Variants in ARHGAP10 observed in about 807,000 individuals in gnomAD.
The protein encoded by ARHGAP10 is Rho GTPase activating protein 10.
A neutral mutation model predicts 108.6 loss-of-function variants in ARHGAP10; 87 were observed. The ratio of observed to expected loss-of-function variants is 0.80; its 90% confidence interval spans 0.67 to 0.96. ARHGAP10 has a LOEUF of 0.96. ARHGAP10 is among the 40% of genes least tolerant of loss of function. ARHGAP10 has a pLI of 0.00. For synonymous variants in ARHGAP10, 347 were observed against 341.1 expected (o/e 1.02, Z -0.19); for missense variants, 939 against 954.5 (o/e 0.98, Z 0.21).
chr4:147,770,593 C>T (rs1730037192), intron 1 of ARHGAP10, among the ~76,000 whole-genome samples: 1 of 152,118 alleles, frequency 6.6e-6, no homozygotes, highest in Non-Finnish European at 1.5e-5. Flanking sequence ...AACTTATAGT[C>T]ATGTGGTGTT....
intron 1 of ARHGAP10, among the ~76,000 whole-genome samples, chr4:147,784,691 T>TAAA (rs1560756567): frequency 1.3e-4 from 12 of 92,930 alleles, no homozygotes; most frequent in African/African-American, 5.2e-4. Context: ...ATATAAAATA[T>TAAA]ATATTATAAA....
At chr4:147,814,781 A>G (rs971941725) in intron 1 of ARHGAP10, among the ~76,000 whole-genome samples, 1 of 152,168 alleles carries the variant, frequency 6.6e-6, no homozygotes, top group Non-Finnish European at 1.5e-5. Flanking sequence ...TTTTTATAAG[A>G]ACACAAGTCA....
At chr4:147,927,897 GC>G (rs1431983315) in intron 13 of ARHGAP10, among the ~76,000 whole-genome samples, 1 of 152,194 alleles carries the variant, frequency 6.6e-6, no homozygotes, top group East Asian at 1.9e-4. Flanking sequence ...AGAGTGTGGG[GC>G]CCCAAAGGTT....
At chr4:148,023,489 C>A in intron 19 of ARHGAP10, 76 bp downstream of exon 19, 2 of 1,405,816 alleles carry the variant, frequency 1.4e-6, no homozygotes, top group Non-Finnish European at 1.9e-6. Context: ...GGGCAGGCCA[C>A]AGTTTTCTGT....
At chr4:147,846,964 A>G (rs1733661335) in intron 3 of ARHGAP10, among the ~76,000 whole-genome samples, 187 bp from the exon 4 acceptor site, 1 of 152,108 alleles carries the variant, frequency 6.6e-6, no homozygotes, top group Non-Finnish European at 1.5e-5. Flanking sequence ...CCCTGAAAAT[A>G]TTTATGGAGT....
intron 20 of ARHGAP10, among the ~76,000 whole-genome samples, chr4:148,060,352 T>C (rs886816109): frequency 6.6e-6 from 1 of 151,470 alleles, no homozygotes; most frequent in African/African-American, 2.4e-5. Context: ...TTAGTTTTTT[T>C]TTTTTTTTTT....
intron 8 of ARHGAP10, among the ~76,000 whole-genome samples, chr4:147,876,549 C>T (rs540968961): frequency 2.6e-4 from 40 of 151,966 alleles, no homozygotes; most frequent in African/African-American, 8.4e-4. Context: ...GCCAAGATCG[C>T]GCCACTGCAC....
intron 10 of ARHGAP10, among the ~76,000 whole-genome samples, chr4:147,897,435 TAAATCTGCC>T (rs1476613970): frequency 6.6e-6 from 1 of 152,096 alleles, no homozygotes; most frequent in African/African-American, 2.4e-5. Context: ...CGTATGGGCT[TAAATCTGCC>T]ATCTTGATTT....
chr4:147,787,432 G>C (rs1730931019), intron 1 of ARHGAP10, among the ~76,000 whole-genome samples: 1 of 123,348 alleles, frequency 8.1e-6, no homozygotes, highest in African/African-American at 2.5e-5. Flanking sequence ...CACTCTCTTG[G>C]CTGAGTGGAG....
chr4:147,766,817 TATATATATATATATATATA>T lies in ARHGAP10; in HGVS notation c.154+34363_154+34381del, dbSNP rs1560746869. 0.02 allele frequency among the ~76,000 whole-genome samples: 249 copies of T among 12,524 alleles called. 1 individual carries two copies. In the Non-Finnish European group the frequency reaches 0.26, roughly 13 times the overall value. 8.2% of individuals were successfully genotyped at this position (12,524 alleles called of 152,430 possible). A position where few individuals can be genotyped will look rare whatever the true frequency, so the allele number is the denominator to read the frequency against. On this transcript the variant is annotated intron_variant, in intron 1 of 22. Coordinates refer to ENST00000336498, the MANE Select transcript of ARHGAP10 (RefSeq NM_024605.4). The stretch of plus-strand genomic sequence containing the variant: ...ATATTCACATATATATATATATATA[TATATATATATATATATATA>T]TATTTATTTATTTATTTATTTATTT...
In ARHGAP10 at chr4:147,918,187, G is replaced by A. The variant is rs541773436; in HGVS notation, c.1228+5048G>A. On this transcript the variant is annotated intron_variant, in intron 13 of 22. Transcript: ENST00000336498. ...GTCTTGCTCTGTGGCCTAGGCTGGA[G>A]TGCAGTGGCTTGATCTCGGCTCACT... Among the ~76,000 whole-genome samples the A allele has an allele frequency of 8.2e-5, 12 of 146,388 alleles. 1 individual carries two copies. The highest frequency in any genetic ancestry group is 3.1e-4 in the African/African-American group (12 of 38,442).
chr4:148,013,485 G>A (rs1271053743), intron 18 of ARHGAP10, among the ~76,000 whole-genome samples: 1 of 152,100 alleles, frequency 6.6e-6, no homozygotes, highest in Non-Finnish European at 1.5e-5. Context: ...GCAGGAGATC[G>A]AGACCATCCT....
chr4:147,742,120 A>G (rs950539392), intron 1 of ARHGAP10, among the ~76,000 whole-genome samples: 2 of 151,808 alleles, frequency 1.3e-5, no homozygotes, highest in Non-Finnish European at 2.9e-5. Flanking sequence ...CAGCAGTGTC[A>G]CCTCAGGTCA....
intron 20 of ARHGAP10, among the ~76,000 whole-genome samples, chr4:148,050,678 ATCT>A (rs145831017): frequency 0.023 from 3,454 of 152,246 alleles, 139 homozygotes; most frequent in African/African-American, 0.075. Flanking sequence ...CGGTTGATTC[ATCT>A]TCTTTCTTAT....
chr4:147,983,359 G>A (rs1739905720), intron 18 of ARHGAP10, among the ~76,000 whole-genome samples: 1 of 151,576 alleles, frequency 6.6e-6, no homozygotes, highest in African/African-American at 2.4e-5. Context: ...CTAATTTTTT[G>A]TATTTTTAGT....
chr4:147,916,090 A>G (rs1736972379), intron 13 of ARHGAP10, among the ~76,000 whole-genome samples: 1 of 152,222 alleles, frequency 6.6e-6, no homozygotes, highest in African/African-American at 2.4e-5. Flanking sequence ...AATAGTTGGT[A>G]AATAGCATTA....
intron 10 of ARHGAP10, among the ~76,000 whole-genome samples, chr4:147,897,730 T>C (rs1316332016): frequency 2.6e-5 from 4 of 152,336 alleles, no homozygotes; most frequent in South Asian, 2.1e-4. Flanking sequence ...GAACTACATA[T>C]GTTATGAAGT....
chr4:148,019,526 C>A (rs563346692), intron 18 of ARHGAP10, among the ~76,000 whole-genome samples: 1 of 151,950 alleles, frequency 6.6e-6, no homozygotes, highest in African/African-American at 2.4e-5. Context: ...CAGAGGCGGA[C>A]GGATCACGAG....
intron 1 of ARHGAP10, among the ~76,000 whole-genome samples, chr4:147,769,360 C>T (rs1238560740): frequency 6.6e-6 from 1 of 152,142 alleles, no homozygotes; most frequent in African/African-American, 2.4e-5. Context: ...AGATGATCCC[C>T]TATTTAGAGA....
Sources: allele counts gnomAD v4.1 joint callset (sites outside exome capture counted in the v4.1 genomes callset), GRCh38; gene constraint gnomAD v4.1.1; transcripts MANE v1.5; gene names NCBI Gene and HGNC (gene_info 2026-07-23, HGNC 2026-07-21).